Variants in SLC20A2 observed in about 807,000 individuals in gnomAD.
The protein encoded by SLC20A2 is sodium-dependent phosphate transporter 2.
Under a neutral mutation model 61.0 loss-of-function variants are expected in SLC20A2, and 30 were observed. The ratio of observed to expected loss-of-function variants is 0.49; its 90% CI spans 0.37 to 0.67. SLC20A2 has a LOEUF of 0.67. SLC20A2 is among the 30% of genes least tolerant of loss of function. The pLI is 0.00. For missense variants in SLC20A2, 626 were observed against 866.4 expected (o/e 0.72, Z 3.48); for synonymous variants, 351 against 353.3 (o/e 0.99, Z 0.07).
At chr8:42,424,758 C>T (rs1033779266) in intron 10 of SLC20A2, among the ~76,000 whole-genome samples, 1 of 152,136 alleles carries the variant, frequency 6.6e-6, no homozygotes, top group Non-Finnish European at 1.5e-5. Context: ...TGAAACTATG[C>T]ACTTAGGCCG....
In SLC20A2 at chr8:42,533,654, C is replaced by CTTTTTTTCTTTTTTTTT. The variant is rs1253260874; in HGVS notation, c.-265+8166_-265+8167insAAAAAAAAAGAAAAAAA. Among the ~76,000 whole-genome samples, 39 of 55,296 alleles carry CTTTTTTTCTTTTTTTTT rather than the reference C, an allele frequency of 7.1e-4. 7 individuals carry two copies. Among genetic ancestry groups the CTTTTTTTCTTTTTTTTT allele is most frequent in the Non-Finnish European group, 1.1e-3 (34 of 30,068 alleles). The allele number at this position is 55,296 out of a possible 152,430, so 36.3% of individuals were successfully genotyped here. A position where few individuals can be genotyped will look rare whatever the true frequency, so the allele number is the denominator to read the frequency against. On this transcript the variant is annotated intron_variant, in intron 1 of 10. Coordinates refer to the SLC20A2 transcript ENST00000342228. Reference sequence around the variant, plus strand: ...TTAATGGCCTTAATGATCAACTGTTCTTTTTTTTTTTTTTTTTTTTTTGAG... The same window carrying CTTTTTTTCTTTTTTTTT: ...TTAATGGCCTTAATGATCAACTGTTCTTTTTTTCTTTTTTTTTTTTTTTTTTTTTTTTTTTTTTTGAG...
intron 10 of SLC20A2, among the ~76,000 whole-genome samples, chr8:42,425,198 TTCTATTAGATGGC>T (rs780941906): frequency 5.7e-4 from 87 of 152,328 alleles, no homozygotes; most frequent in Non-Finnish European, 9.0e-4. Context: ...TCTCCCTACT[TTCTATTAGATGGC>T]TCTAAGCATG....
At chr8:42,448,917 C>T (rs1318445956) in intron 5 of SLC20A2, among the ~76,000 whole-genome samples, 1 of 152,084 alleles carries the variant, frequency 6.6e-6, no homozygotes, top group African/African-American at 2.4e-5. Context: ...TGACAGTTAC[C>T]TGTGTTACAC....
chr8:42,425,354 G>T (rs572558917), intron 10 of SLC20A2, among the ~76,000 whole-genome samples: 27 of 152,236 alleles, frequency 1.8e-4, no homozygotes, highest in African/African-American at 6.5e-4. Flanking sequence ...CATTCTTCAC[G>T]CCATCCCACA....
chr8:42,493,875 T>C (rs1317285533), intron 1 of SLC20A2, among the ~76,000 whole-genome samples: 2 of 152,220 alleles, frequency 1.3e-5, no homozygotes, highest in Non-Finnish European at 2.9e-5. Context: ...CTGGGCATGG[T>C]GGCTTATCTC....
chr8:42,468,676 G>A (rs1807376286), intron 2 of SLC20A2, among the ~76,000 whole-genome samples: 1 of 151,954 alleles, frequency 6.6e-6, no homozygotes, highest in South Asian at 2.1e-4. Flanking sequence ...GCATCTCAGA[G>A]GCCGCCATTC....
chr8:42,484,001 T>C (rs995825815), intron 1 of SLC20A2, among the ~76,000 whole-genome samples: 1 of 152,250 alleles, frequency 6.6e-6, no homozygotes, highest in African/African-American at 2.4e-5. Context: ...GCATATTCTT[T>C]CCATTAATGC....
chr8:42,447,655 C>T (rs1805334508), intron 5 of SLC20A2, among the ~76,000 whole-genome samples: 2 of 151,864 alleles, frequency 1.3e-5, no homozygotes, highest in South Asian at 4.2e-4. Context: ...CCAGCCTGGG[C>T]GACAGAGCGA....
At chr8:42,438,761 G>A (rs186837362) in intron 7 of SLC20A2, among the ~76,000 whole-genome samples, 1 of 152,262 alleles carries the variant, frequency 6.6e-6, no homozygotes, top group East Asian at 1.9e-4. Context: ...CTGTTGCCCA[G>A]GCTGGAGTGC....
intron 1 of SLC20A2, among the ~76,000 whole-genome samples, chr8:42,479,132 G>C (rs1808377274): frequency 6.6e-6 from 1 of 152,190 alleles, no homozygotes; most frequent in Admixed American, 6.6e-5. Flanking sequence ...ACAAGGAAAA[G>C]AAAAGCTGGC....
At chr8:42,428,710 A>C (rs774149492) in intron 10 of SLC20A2, 48 bp downstream of exon 10, 4 of 1,544,092 alleles carry the variant, frequency 2.6e-6, no homozygotes, top group Non-Finnish European at 3.5e-6. Flanking sequence ...GTGGCCCTGG[A>C]CCTGTCCCAG....
chr8:42,505,058 C>T (rs1005787808), upstream of SLC20A2, among the ~76,000 whole-genome samples: 5 of 148,520 alleles, frequency 3.4e-5, no homozygotes, highest in Admixed American at 6.7e-5. Context: ...ATGGCTACAG[C>T]GGGGAGAGGA....
At chr8:42,470,288 A>G (rs1468442288) in intron 2 of SLC20A2, among the ~76,000 whole-genome samples, 1 of 150,938 alleles carries the variant, frequency 6.6e-6, no homozygotes, top group African/African-American at 2.4e-5. Context: ...CACAATCACA[A>G]CTCACTGCAG....
chr8:42,436,311 C>T (rs1383907849), intron 8 of SLC20A2, among the ~76,000 whole-genome samples: 1 of 152,122 alleles, frequency 6.6e-6, no homozygotes, highest in Non-Finnish European at 1.5e-5. Context: ...CCGCTGCCTG[C>T]TCAACCTGAA....
At chr8:42,431,525 G>A (rs1200420717) in intron 8 of SLC20A2, among the ~76,000 whole-genome samples, 5 of 152,222 alleles carry the variant, frequency 3.3e-5, no homozygotes, top group Non-Finnish European at 7.3e-5. Flanking sequence ...AAGCTGCAGC[G>A]AGTTCTCCAG....
At chr8:42,455,241 A>AATATATATATAT (rs71548582) in intron 5 of SLC20A2, among the ~76,000 whole-genome samples, 1 of 102,606 alleles carries the variant, frequency 9.7e-6, no homozygotes, top group African/African-American at 5.0e-5. Flanking sequence ...AAAAAAAAAA[A>AATATATATATAT]ATATATATAT....
chr8:42,500,631 GCA>G (rs1202067772), intron 1 of SLC20A2, among the ~76,000 whole-genome samples: 1 of 152,078 alleles, frequency 6.6e-6, no homozygotes, highest in African/African-American at 2.4e-5. Context: ...TAAACTTGTA[GCA>G]CAGAGTATAA....
intron 1 of SLC20A2, among the ~76,000 whole-genome samples, chr8:42,496,871 G>A (rs968162718): frequency 1.3e-5 from 2 of 152,192 alleles, no homozygotes; most frequent in African/African-American, 4.8e-5. Context: ...AGTCTGTGAT[G>A]TAAAGTGCTC....
rs570231234 is a variant in SLC20A2 at position 42,445,207 on chromosome 8, G to A, written c.614-445C>T. ...CTCGGGAGGCTGAGGCGGGAGATTC[G>A]TTCGAACCTGGGAGGGGGATGTTGC... On this transcript the variant is annotated intron_variant, in intron 5 of 10. Transcript: ENST00000520262. Among the ~76,000 whole-genome samples, 17 of 152,058 alleles carry A rather than the reference G, an allele frequency of 1.1e-4. No individual in the cohort carries two copies. The South Asian group carries it at 3.1e-3, about 28-fold the overall frequency.
Sources: gnomAD v4.1 joint callset for allele counts (sites outside exome capture counted in the v4.1 genomes callset) on GRCh38, gnomAD v4.1.1 for gene constraint, MANE v1.5 for transcripts, NCBI Gene and HGNC (gene_info 2026-07-23, HGNC 2026-07-21) for gene names.